The following INPP5A variants were observed in gnomAD, a reference collection of about 807,000 sequenced individuals.
INPP5A encodes inositol polyphosphate-5-phosphatase A, also known as 43 kDa inositol polyphosphate 5-phophatase.
INPP5A carries 14 observed loss-of-function variants against 65.2 expected under a neutral mutation model. That is an observed-to-expected ratio of 0.21 (90% confidence interval 0.14 to 0.34). The LOEUF (loss-of-function observed/expected upper bound fraction) is 0.34. Ranked by LOEUF, INPP5A falls within the 10% of genes least tolerant of loss-of-function variation. The probability of loss-of-function intolerance (pLI) is 1.00; values close to 1 mark genes in which losing one functional copy is unlikely to be tolerated. For synonymous variants in INPP5A, 207 were observed against 208.3 expected, an observed-to-expected ratio of 0.99 and a Z score of 0.05; for missense variants, 431 against 545.6, an observed-to-expected ratio of 0.79 and a Z score of 2.09.
At chr10:132,766,398 A>G (rs1174461986) in intron 12 of INPP5A, among the ~76,000 whole-genome samples, 2 of 152,168 alleles carry the variant, frequency 1.3e-5, no homozygotes, top group Admixed American at 1.3e-4. Flanking sequence ...CTTTCTGGCA[A>G]TATCGGGGCC....
chr10:132,589,725 G>T (rs2071593381), intron 1 of INPP5A, among the ~76,000 whole-genome samples: 1 of 152,244 alleles, frequency 6.6e-6, no homozygotes, highest in South Asian at 2.1e-4. Context: ...CCCAAACGGT[G>T]TTGTCTCATG....
intron 1 of INPP5A, among the ~76,000 whole-genome samples, chr10:132,573,615 TG>T (rs1209277032): frequency 8.4e-6 from 1 of 119,516 alleles, no homozygotes; most frequent in African/African-American, 3.6e-5. Context: ...GTTGAGATGT[TG>T]GGGTGTGCGT....
At position 132,674,745 on chromosome 10, in the gene INPP5A, G is replaced by A. The variant is rs1351252365; in HGVS notation, c.307-15647G>A. 6.6e-6 allele frequency among the ~76,000 whole-genome samples: 1 copy of A among 152,182 alleles called. No homozygotes were observed. The highest frequency in any genetic ancestry group is 2.4e-5 in the African/African-American group (1 of 41,444). ...GAAAGCACCCAGTTCATGACATGCA[G>A]TTCAGGTCACACGGTGACTTGATGA... On this transcript the variant is annotated intron_variant, in intron 4 of 15. Coordinates refer to ENST00000368594, the MANE Select transcript of INPP5A (RefSeq NM_005539.5). This position sits in a 1 kb window ranked among gnomAD's most constrained non-coding sequence, Gnocchi z 4.4.
chr10:132,661,528 T>G (rs933446345), intron 4 of INPP5A, among the ~76,000 whole-genome samples: 2 of 152,136 alleles, frequency 1.3e-5, no homozygotes, highest in Admixed American at 1.3e-4. Flanking sequence ...TCAGAGAAAT[T>G]AAATAAGATC....
At chr10:132,568,454 A>G (rs1487135025) in intron 1 of INPP5A, among the ~76,000 whole-genome samples, 2 of 152,014 alleles carry the variant, frequency 1.3e-5, no homozygotes, top group Non-Finnish European at 2.9e-5. Context: ...GCCTGGGCAC[A>G]GTGGCTCACG....
rs1463408882 is a variant in INPP5A at position 132,555,329 on chromosome 10, C to T, written c.75+17158C>T. Reference sequence around the variant, plus strand: ...AGATGTCGTAGGAGAGGCTGTTGTCCCCTGAGTACGTTCACCCCATTTTAC... The same window carrying T: ...AGATGTCGTAGGAGAGGCTGTTGTCTCCTGAGTACGTTCACCCCATTTTAC... On this transcript the variant is annotated intron_variant, in intron 1 of 15. Coordinates refer to ENST00000368594, the MANE Select transcript of INPP5A (RefSeq NM_005539.5). This position sits in a 1 kb window ranked among gnomAD's most constrained non-coding sequence, Gnocchi z 4.4. Among the ~76,000 whole-genome samples, 1 of 152,050 alleles carries T rather than the reference C, an allele frequency of 6.6e-6. No individual in the cohort carries two copies. The highest frequency in any genetic ancestry group is 1.5e-5 in the Non-Finnish European group (1 of 68,000).
At chr10:132,593,241 C>T (rs972565599) in intron 1 of INPP5A, among the ~76,000 whole-genome samples, 6 of 152,254 alleles carry the variant, frequency 3.9e-5, no homozygotes, top group South Asian at 2.1e-4. Flanking sequence ...ATGGGCGCGC[C>T]GTCTTCCCCG....
chr10:132,736,229 C>T (rs1846173599), intron 9 of INPP5A, among the ~76,000 whole-genome samples: 1 of 152,210 alleles, frequency 6.6e-6, no homozygotes, highest in South Asian at 2.1e-4. Context: ...TCCTGCCTCG[C>T]GCGGTGGCAA....
intron 4 of INPP5A, among the ~76,000 whole-genome samples, chr10:132,667,797 C>A (rs966424460): frequency 6.6e-6 from 1 of 151,920 alleles, no homozygotes; most frequent in African/African-American, 2.4e-5. Flanking sequence ...CGGCGCGAGC[C>A]GGAAGAGGGA....
At position 132,699,464 on chromosome 10, in the gene INPP5A, G is replaced by A. The variant is rs920224580; in HGVS notation, c.474+1545G>A. ...GGTCCAGGCAGAGGCTGTTGACCCG[G>A]CACCTCGTCTCAGGACCCATGTGGC... On this transcript the variant is annotated intron_variant, in intron 6 of 15. Coordinates refer to ENST00000368594, the MANE Select transcript of INPP5A (RefSeq NM_005539.5). 2.6e-5 allele frequency among the ~76,000 whole-genome samples: 4 copies of A among 152,156 alleles called. No individual in the cohort carries two copies. The East Asian group carries it at 7.7e-4, about 29-fold the overall frequency.
intron 1 of INPP5A, among the ~76,000 whole-genome samples, chr10:132,548,874 G>A (rs1028162348): frequency 5.1e-5 from 7 of 136,542 alleles, no homozygotes; most frequent in African/African-American, 1.9e-4. Flanking sequence ...ACCACTCACC[G>A]AAGCCTCAAA....
At chr10:132,780,072 C>T (rs1847134467) in intron 13 of INPP5A, among the ~76,000 whole-genome samples, 1 of 152,238 alleles carries the variant, frequency 6.6e-6, no homozygotes, top group Non-Finnish European at 1.5e-5. Flanking sequence ...CATGCGGTGC[C>T]GAAGCTTGTT....
At chr10:132,779,541 G>A (rs537088667) in intron 13 of INPP5A, among the ~76,000 whole-genome samples, 2 of 152,366 alleles carry the variant, frequency 1.3e-5, no homozygotes, top group East Asian at 1.9e-4. Flanking sequence ...GTTGCAGCCC[G>A]TTTTCCATTC....
chr10:132,649,294 C>G (rs931056136), intron 3 of INPP5A, among the ~76,000 whole-genome samples: 1 of 152,224 alleles, frequency 6.6e-6, no homozygotes, highest in Non-Finnish European at 1.5e-5. Context: ...GTCACAGTTG[C>G]AATGACTGTT....
chr10:132,564,195 G>A (rs893747118), intron 1 of INPP5A, among the ~76,000 whole-genome samples: 4 of 151,192 alleles, frequency 2.6e-5, no homozygotes, highest in African/African-American at 9.9e-5. Flanking sequence ...TGGCGTGCGC[G>A]TTGTGGGTAT....
chr10:132,624,504 G>A (rs552581509), intron 2 of INPP5A, among the ~76,000 whole-genome samples: 108 of 142,262 alleles, frequency 7.6e-4, no homozygotes, highest in African/African-American at 2.4e-3. Context: ...TCCCACCGGC[G>A]TGTCTGCACT....
chr10:132,759,723 G>A (rs934104983), intron 11 of INPP5A, among the ~76,000 whole-genome samples: 4 of 151,916 alleles, frequency 2.6e-5, no homozygotes, highest in Non-Finnish European at 1.5e-5. Context: ...CACCCTGCAG[G>A]AGCCCCGGCC....
rs116610064 is a variant in INPP5A at position 132,542,738 on chromosome 10, G to A, written c.75+4567G>A. Reference sequence around the variant, plus strand: ...TGGATCCTCCTTCTTCTTCAGGGACGTTTCACTTGGTAATGGCTGTGCTGG... The same window carrying A: ...TGGATCCTCCTTCTTCTTCAGGGACATTTCACTTGGTAATGGCTGTGCTGG... On this transcript the variant is annotated intron_variant, in intron 1 of 15. Coordinates refer to ENST00000368594, the MANE Select transcript of INPP5A (RefSeq NM_005539.5). 1.5e-3 allele frequency among the ~76,000 whole-genome samples: 228 copies of A among 152,358 alleles called. 1 individual carries two copies. The highest frequency in any genetic ancestry group is 4.9e-3 in the African/African-American group (205 of 41,586).
intron 1 of INPP5A, among the ~76,000 whole-genome samples, chr10:132,557,707 G>A (rs755994133): frequency 7.9e-5 from 12 of 152,198 alleles, no homozygotes; most frequent in Non-Finnish European, 1.5e-4. Context: ...GACCATATTT[G>A]GGTTAAAAGG....
Sources: gnomAD v4.1 joint callset for allele counts (sites outside exome capture counted in the v4.1 genomes callset) on GRCh38, gnomAD v4.1.1 for gene constraint, Gnocchi (gnomAD v3.1) non-coding constraint, MANE v1.5 for transcripts, NCBI Gene and HGNC (gene_info 2026-07-23, HGNC 2026-07-21) for gene names.